The following NF2 variants were observed in gnomAD, a reference collection of about 807,000 sequenced individuals.
The protein encoded by NF2 is merlin.
Under a neutral mutation model 83.7 loss-of-function variants are expected in NF2, and 8 were observed. The observed-to-expected ratio is 0.10, with a 90% CI of 0.06 to 0.17. The LOEUF is 0.17. NF2 is among the 10% of genes least tolerant of loss of function. The pLI, the probability that NF2 is intolerant of heterozygous loss-of-function variation, is 1.00. For synonymous variants in NF2, 266 were observed against 269.6 expected (o/e 0.99, Z 0.13); for missense variants, 533 against 744.4 (o/e 0.72, Z 3.31).
chr22:29,655,417 C>T (rs919451933), intron 5 of NF2, among the ~76,000 whole-genome samples, 177 bp from the exon 6 acceptor site: 3 of 152,198 alleles, frequency 2.0e-5, no homozygotes, highest in African/African-American at 4.8e-5. Context: ...TGAGTTGCTC[C>T]TCCAATAGAA....
chr22:29,657,146 A>T (rs2066336450), intron 6 of NF2, among the ~76,000 whole-genome samples: 1 of 151,934 alleles, frequency 6.6e-6, no homozygotes, highest in African/African-American at 2.4e-5. Context: ...CCTACCCCCA[A>T]TTCCCCTTTC....
chr22:29,672,051 G>T, intron 11 of NF2, 103 bp downstream of exon 11: 1 of 1,534,684 alleles, frequency 6.5e-7, no homozygotes, highest in South Asian at 1.1e-5. Context: ...CGTTTGCTTT[G>T]AAATACTTAA....
chr22:29,656,731 G>A (rs1322026622), intron 6 of NF2, among the ~76,000 whole-genome samples: 2 of 152,054 alleles, frequency 1.3e-5, no homozygotes, highest in African/African-American at 4.8e-5. Context: ...TTTAAAACAA[G>A]AGTTGTTGGG....
At chr22:29,611,368 CA>C (rs137931599) in intron 1 of NF2, among the ~76,000 whole-genome samples, 1 of 151,012 alleles carries the variant, frequency 6.6e-6, no homozygotes, top group Non-Finnish European at 1.5e-5. Context: ...ACTACAAATA[CA>C]AAAAAAAATT....
rs1234052589 is a variant in NF2, at chr22:29,655,637, G to A, written c.560G>A (p.Arg187Lys). ...ATGACTCCGGAAATGTGGGAGGAGA[G>A]AATTACTGCTTGGTACGCAGAGCAC... ...YQMTPEMWEERITAWYAEHRG... is the reference protein window; with the variant it reads ...YQMTPEMWEEKITAWYAEHRG... The change falls in exon 6 of 16, where the codon AGA becomes AAA. Residue 187 changes from arginine (R) to lysine (K), a missense_variant. Arg to Lys is a conservative substitution (Grantham distance 26). Coordinates refer to ENST00000338641, the MANE Select transcript of NF2 (RefSeq NM_000268.4). The A allele has an allele frequency of 1.2e-6, 2 of 1,613,464 alleles. No homozygotes were observed. The highest frequency in any genetic ancestry group is 1.7e-5 in the Admixed American group (1 of 59,988).
At chr22:29,615,175 CTCTG>C (rs1188751891) in intron 1 of NF2, among the ~76,000 whole-genome samples, 5 of 152,140 alleles carry the variant, frequency 3.3e-5, no homozygotes, top group Non-Finnish European at 5.9e-5. Context: ...CAAAGCAAGA[CTCTG>C]TCTGGAAAAA....
chr22:29,616,314 G>GTATATGAATTATA (rs1230622752), intron 1 of NF2, among the ~76,000 whole-genome samples: 3 of 152,074 alleles, frequency 2.0e-5, no homozygotes, highest in Non-Finnish European at 4.4e-5. Flanking sequence ...GAATTTTAGG[G>GTATATGAATTATA]TATATGAATT....
At chr22:29,611,410 G>T (rs1234560089) in intron 1 of NF2, among the ~76,000 whole-genome samples, 1 of 152,042 alleles carries the variant, frequency 6.6e-6, no homozygotes, top group Non-Finnish European at 1.5e-5. Context: ...ACCTATAATT[G>T]TAGCTACTTG....
At chr22:29,604,206 G>C in intron 1 of NF2, 94 bp downstream of exon 1, 1 of 1,041,012 alleles carries the variant, frequency 9.6e-7, no homozygotes, top group Admixed American at 2.0e-5. Flanking sequence ...AGCTAGAGAC[G>C]GGCAGAACCG....
Position 29,668,356 on chromosome 22 carries a change from C to A in NF2, c.909C>A (p.Asn303Lys). ...AGATTCTCCAGCTATGTATCGGGAA[C>A]CATGATCTATTTATGAGGAGAAGGA... ...NKLILQLCIG[N>K]HDLFMRRRKA... The change falls in exon 10 of 16, where the codon AAC becomes AAA. Residue 303 changes from asparagine (N) to lysine (K), a missense_variant. Physicochemically the swap from Asn to Lys is moderately conservative, Grantham distance 94 (BLOSUM62 0). Around this residue, in one of 3 missense-constraint regions of NF2, gnomAD observed 326 missense variants for 475.1 expected, o/e 0.69. Coordinates refer to ENST00000338641, the MANE Select transcript of NF2 (RefSeq NM_000268.4). 6.2e-7 allele frequency: 1 copy of A among 1,613,804 alleles called. No homozygotes were observed.
intron 8 of NF2, 30 bp from the exon 9 acceptor site, chr22:29,664,960 C>T: frequency 1.3e-6 from 2 of 1,530,336 alleles, no homozygotes; most frequent in Non-Finnish European, 1.8e-6. Context: ...GGCTGTCGGA[C>T]TGAAACTGTG....
chr22:29,630,812 T>G (rs550753980), intron 1 of NF2, among the ~76,000 whole-genome samples: 18 of 152,330 alleles, frequency 1.2e-4, no homozygotes, highest in Middle Eastern at 3.4e-3. Context: ...GCGATGGGGT[T>G]AAATGAGCAT....
At position 29,696,066 on chromosome 22, in the gene NF2, C is replaced by CTT. The variant is rs886057354; in HGVS notation, c.*1286_*1287dup. On this transcript the variant is annotated 3_prime_UTR_variant, in exon 16 of 16. Transcript: ENST00000338641. ...GTCTGGGGCCACCTTCTTGCCCTTT[C>CTT]TTTTTTTTTTTTTTTTTTTTTTTCC... 839 of 155,426 alleles carry CTT rather than the reference C, an allele frequency of 5.4e-3. 7 individuals are homozygous for CTT. Among genetic ancestry groups the CTT allele is most frequent in the African/African-American group, 0.012 (353 of 30,092 alleles). 9.6% of individuals were successfully genotyped at this position (155,426 alleles called of 1,614,324 possible).
chr22:29,604,676 A>G (rs1439107701), intron 1 of NF2, among the ~76,000 whole-genome samples: 1 of 152,180 alleles, frequency 6.6e-6, no homozygotes. Flanking sequence ...GTAAATGGCA[A>G]GGTGGGGTTT....
At chr22:29,609,124 G>A in intron 1 of NF2, 2 of 751,122 alleles carry the variant, frequency 2.7e-6, no homozygotes, top group African/African-American at 1.7e-5. Context: ...AGAACCCAGG[G>A]GCTTTGATTA....
intron 15 of NF2, among the ~76,000 whole-genome samples, chr22:29,685,748 A>G (rs1278691281): frequency 6.6e-6 from 1 of 152,046 alleles, no homozygotes; most frequent in Admixed American, 6.5e-5. Flanking sequence ...CTTCTGCCTC[A>G]CTGAGAGGTC....
At chr22:29,641,778 G>A (rs2065817156) in intron 3 of NF2, among the ~76,000 whole-genome samples, 1 of 152,092 alleles carries the variant, frequency 6.6e-6, no homozygotes, top group Non-Finnish European at 1.5e-5. Flanking sequence ...ATAACTCAGT[G>A]GCCTTGGTGA....
intron 13 of NF2, 62 bp downstream of exon 13, chr22:29,675,003 G>T (rs1432908239): frequency 7.1e-7 from 1 of 1,417,524 alleles, no homozygotes; most frequent in Non-Finnish European, 9.7e-7. Flanking sequence ...TTTCCTCCCG[G>T]CCCTTCAGTT....
chr22:29,661,083 C>T, intron 7 of NF2, 122 bp from the exon 8 acceptor site: 1 of 1,414,166 alleles, frequency 7.1e-7, no homozygotes, highest in Non-Finnish European at 9.9e-7. Flanking sequence ...ACAGCTGTGA[C>T]TTCTGTTGGG....
Sources: allele counts gnomAD v4.1 joint callset (sites outside exome capture counted in the v4.1 genomes callset), GRCh38; gene constraint gnomAD v4.1.1; regional missense constraint gnomAD v4.1.1; transcripts MANE v1.5; gene names NCBI Gene and HGNC (gene_info 2026-07-23, HGNC 2026-07-21).